BCKDHB: variants seen among roughly 807,000 people sequenced by gnomAD.
BCKDHB encodes 2-oxoisovalerate dehydrogenase subunit beta, mitochondrial.
In BCKDHB, 41 loss-of-function variants were observed where a neutral mutation model predicts 48.5. The ratio of observed to expected loss-of-function variants is 0.85; its 90% CI spans 0.66 to 1.10. The LOEUF (loss-of-function observed/expected upper bound fraction) is 1.10, where lower values mean the gene tolerates loss of function less well. Ranked by LOEUF, BCKDHB falls within the 50% of genes least tolerant of loss-of-function variation. The pLI, the probability that BCKDHB is intolerant of heterozygous loss-of-function variation, is 0.00. For synonymous variants in BCKDHB, 201 were observed against 174.8 expected, an observed-to-expected ratio of 1.15 and a Z score of -1.18; for missense variants, 496 against 494.2, an observed-to-expected ratio of 1.00 and a Z score of -0.03.
intron 6 of BCKDHB, among the ~76,000 whole-genome samples, chr6:80,183,010 C>T (rs559345487): frequency 4.6e-5 from 7 of 152,114 alleles, no homozygotes; most frequent in African/African-American, 7.2e-5. Context: ...TATGGAACAA[C>T]GAATTGTTTC....
intron 5 of BCKDHB, among the ~76,000 whole-genome samples, chr6:80,169,600 T>C (rs1377703250): frequency 6.6e-6 from 1 of 152,172 alleles, no homozygotes; most frequent in Non-Finnish European, 1.5e-5. Flanking sequence ...CTTAGGTCTT[T>C]TGATGGTAAA....
At chr6:80,426,259 A>C in the BCKDHB span, among the ~76,000 whole-genome samples, 1 of 152,138 alleles carries the variant, frequency 6.6e-6, no homozygotes, top group Non-Finnish European at 1.5e-5. Flanking sequence ...TCATTTGGCT[A>C]TCTTGGGCTG....
chr6:80,255,789 A>C (rs1582449716), intron 8 of BCKDHB, among the ~76,000 whole-genome samples: 1 of 152,212 alleles, frequency 6.6e-6, no homozygotes, highest in East Asian at 1.9e-4. Context: ...AATATACCTA[A>C]TATAAAATGT....
chr6:80,214,740 C>T (rs1562143377), intron 8 of BCKDHB, among the ~76,000 whole-genome samples: 1 of 152,120 alleles, frequency 6.6e-6, no homozygotes, highest in Non-Finnish European at 1.5e-5. Flanking sequence ...TAGTTTTATT[C>T]TAGGGCATTA....
intron 6 of BCKDHB, among the ~76,000 whole-genome samples, chr6:80,197,933 T>TCCA (rs1180511550): frequency 1.5e-5 from 2 of 134,706 alleles, no homozygotes; most frequent in South Asian, 2.7e-4. Flanking sequence ...TATCCATCTG[T>TCCA]TCATCCATCC....
chr6:80,362,215 T>C, the BCKDHB span, among the ~76,000 whole-genome samples: 1 of 152,156 alleles, frequency 6.6e-6, no homozygotes, highest in African/African-American at 2.4e-5. Context: ...CTTGATCTTA[T>C]TTTCATGGTA....
the BCKDHB span, among the ~76,000 whole-genome samples, chr6:80,391,086 A>C: frequency 6.6e-6 from 1 of 152,138 alleles, no homozygotes; most frequent in Non-Finnish European, 1.5e-5. Flanking sequence ...CAAGTTTGCC[A>C]ACAGCCAAGC....
chr6:80,223,867 G>A (rs545258448), intron 8 of BCKDHB, among the ~76,000 whole-genome samples: 2 of 152,184 alleles, frequency 1.3e-5, no homozygotes, highest in Non-Finnish European at 2.9e-5. Flanking sequence ...CCAAAGGGTG[G>A]AGGGGGATTG....
At chr6:80,432,228 C>T in the BCKDHB span, among the ~76,000 whole-genome samples, 1 of 152,024 alleles carries the variant, frequency 6.6e-6, no homozygotes, top group Non-Finnish European at 1.5e-5. Context: ...TGTTGGCCTG[C>T]CTTGCTAGGT....
chr6:80,143,996 T>G (rs940526438), intron 3 of BCKDHB, among the ~76,000 whole-genome samples: 2 of 152,154 alleles, frequency 1.3e-5, no homozygotes, highest in Non-Finnish European at 2.9e-5. Flanking sequence ...AGAAACTTGT[T>G]TCTAAGCCAA....
chr6:80,346,994 A>C (rs1028912541), downstream of BCKDHB, among the ~76,000 whole-genome samples: 2 of 143,882 alleles, frequency 1.4e-5, no homozygotes, highest in African/African-American at 5.5e-5. Flanking sequence ...CACTGGAAAA[A>C]AGCAAAAAGA....
At chr6:80,339,838 A>G (rs564149124) in intron 9 of BCKDHB, among the ~76,000 whole-genome samples, 2 of 152,176 alleles carry the variant, frequency 1.3e-5, no homozygotes, top group Admixed American at 6.5e-5. Flanking sequence ...CTTTATTCCT[A>G]ATTCAATTTT....
chr6:80,419,199 G>T, the BCKDHB span, among the ~76,000 whole-genome samples: 1 of 152,222 alleles, frequency 6.6e-6, no homozygotes, highest in Non-Finnish European at 1.5e-5. Context: ...CACCAGCAAA[G>T]TGATGTGGGG....
chr6:80,236,316 G>C (rs934770749), intron 8 of BCKDHB, among the ~76,000 whole-genome samples: 8 of 152,144 alleles, frequency 5.3e-5, no homozygotes, highest in Admixed American at 2.0e-4. Context: ...ATACAATTTT[G>C]TATTTAACAG....
chr6:80,244,423 T>C (rs1261404038), intron 8 of BCKDHB, among the ~76,000 whole-genome samples: 1 of 152,236 alleles, frequency 6.6e-6, no homozygotes, highest in East Asian at 1.9e-4. Flanking sequence ...AAGAGGTTGC[T>C]CATAAATCAA....
chr6:80,347,315 T>G (rs1328601819), downstream of BCKDHB, among the ~76,000 whole-genome samples: 2 of 152,160 alleles, frequency 1.3e-5, no homozygotes, highest in African/African-American at 4.8e-5. Flanking sequence ...TGGAAAAGAT[T>G]TAGGGAGTTC....
At chr6:80,152,955 T>G (rs1771863487) in intron 3 of BCKDHB, among the ~76,000 whole-genome samples, 1 of 152,182 alleles carries the variant, frequency 6.6e-6, no homozygotes. Flanking sequence ...CTGTGATCTC[T>G]TAGGATCAGT....
At chr6:80,311,059 G>A (rs1768128776) in intron 9 of BCKDHB, among the ~76,000 whole-genome samples, 1 of 152,104 alleles carries the variant, frequency 6.6e-6, no homozygotes, top group Non-Finnish European at 1.5e-5. Context: ...ATTGTGGGTG[G>A]GACCCAGTGA....
chr6:80,386,800 T>G, the BCKDHB span, among the ~76,000 whole-genome samples: 1 of 152,094 alleles, frequency 6.6e-6, no homozygotes, highest in Non-Finnish European at 1.5e-5. Flanking sequence ...AGCAGAAAAC[T>G]TCTAGGTTGA....
Sources: allele counts gnomAD v4.1 joint callset (sites outside exome capture counted in the v4.1 genomes callset), GRCh38; gene constraint gnomAD v4.1.1; transcripts MANE v1.5; gene names NCBI Gene and HGNC (gene_info 2026-07-23, HGNC 2026-07-21).